Variants in C6orf118 observed in about 807,000 individuals in gnomAD.
The protein encoded by C6orf118 is chromosome 6 open reading frame 118, also known as uncharacterized protein C6orf118.
C6orf118 carries 50 observed loss-of-function variants against 50.2 expected under a neutral mutation model. The ratio of observed to expected loss-of-function variants is 1.00; its 90% CI spans 0.79 to 1.26. The LOEUF is 1.26. C6orf118 is among the 50% of genes most tolerant of loss of function. The pLI is 0.00. For missense variants in C6orf118, 641 were observed against 578.7 expected (o/e 1.11, Z -1.10); for synonymous variants, 239 against 230.9 (o/e 1.03, Z -0.32).
intron 5 of C6orf118, among the ~76,000 whole-genome samples, chr6:165,297,153 G>A (rs563091675): frequency 5.3e-5 from 8 of 152,152 alleles, no homozygotes; most frequent in Non-Finnish European, 1.2e-4. Flanking sequence ...AGGTGTGGTA[G>A]CTCATGCCTG....
chr6:165,299,022 G>A (rs552831813), intron 4 of C6orf118, among the ~76,000 whole-genome samples: 21 of 152,236 alleles, frequency 1.4e-4, no homozygotes, highest in Admixed American at 3.3e-4. Flanking sequence ...TGTTTAACCC[G>A]ACCCTGGAAG....
chr6:165,295,691 T>C (rs1007896296), intron 5 of C6orf118, among the ~76,000 whole-genome samples: 7 of 152,128 alleles, frequency 4.6e-5, no homozygotes, highest in Non-Finnish European at 7.4e-5. Flanking sequence ...TCTATAGTCC[T>C]GGATACCTTG....
chr6:165,289,838 C>A, intron 7 of C6orf118, 48 bp downstream of exon 7: 2 of 1,365,950 alleles, frequency 1.5e-6, no homozygotes, highest in South Asian at 1.6e-5. Flanking sequence ...TTGCCAAGGT[C>A]TTCAAGCAAA....
In C6orf118 at chr6:165,301,481, GC is replaced by G. The variant is rs1023215533; in HGVS notation, c.753+87del. 2.5e-5 allele frequency: 37 copies of G among 1,496,518 alleles called. No homozygotes were observed. The African/African-American group carries it at 4.8e-4, about 19-fold the overall frequency. 92.7% of individuals were successfully genotyped at this position (1,496,518 alleles called of 1,614,324 possible). On this transcript the variant is annotated intron_variant, in intron 2 of 8. Transcript: ENST00000230301. ...CCCGGAGCTCTGCCCCGAGAGGTTTGCCCCAGAGCTGTGCCCTGAGAGCACT... is the reference window on the plus strand; with the variant it reads ...CCCGGAGCTCTGCCCCGAGAGGTTTGCCCAGAGCTGTGCCCTGAGAGCACT...
intron 4 of C6orf118, 30 bp from the exon 5 acceptor site, chr6:165,298,131 C>A (rs1231182781): frequency 7.8e-6 from 12 of 1,542,166 alleles, no homozygotes; most frequent in Non-Finnish European, 1.0e-5. Flanking sequence ...TGAGGTGAGA[C>A]AAGCACACAG....
rs79123849 is a variant in C6orf118, at chr6:165,293,423, C to T, written c.1110G>A (p.Lys370=). The T allele has an allele frequency of 1.9e-3, 3,030 of 1,613,968 alleles. 51 individuals carry two copies. The African/African-American group carries it at 0.035, about 19-fold the overall frequency. ...CACACAGACACCTGCCTGATCGTTC[C>T]TTTGCAGACTGCAGCAATGCCACCT... ...EMEVALLQSA[K]ERSESSEKHI... Residue 370 remains lysine, a synonymous_variant, in exon 6 of 9, where the codon AAG becomes AAA. Transcript: ENST00000230301.
intron 5 of C6orf118, among the ~76,000 whole-genome samples, chr6:165,297,433 G>A (rs1402767431): frequency 6.6e-6 from 1 of 150,694 alleles, no homozygotes; most frequent in African/African-American, 2.4e-5. Context: ...GAACAAATTG[G>A]AACAACAAAT....
At position 165,296,254 on chromosome 6, in the gene C6orf118, T is replaced by TTG. The variant is rs1248085154; in HGVS notation, c.1061+1722_1061+1723insCA. 6.9e-4 allele frequency among the ~76,000 whole-genome samples: 43 copies of TTG among 61,990 alleles called. 1 individual carries two copies. Among genetic ancestry groups the TTG allele is most frequent in the African/African-American group, 3.0e-3 (41 of 13,884 alleles). The allele number at this position is 61,990 out of a possible 152,430, so 40.7% of individuals were successfully genotyped here. A position where few individuals can be genotyped will look rare whatever the true frequency, so the allele number is the denominator to read the frequency against. ...TTGTTGTTGTTTTCGTTTTTTGTTT[T>TTG]TTTTTTTTTTTTTTTTTTTTTTTGC... On this transcript the variant is annotated intron_variant, in intron 5 of 8. Transcript: ENST00000230301.
rs1223440543 is a variant in C6orf118, at chr6:165,279,717, C to T, written c.*340G>A. On this transcript the variant is annotated 3_prime_UTR_variant, in exon 9 of 9. Coordinates refer to ENST00000230301, the MANE Select transcript of C6orf118 (RefSeq NM_144980.4). ...ATGCATATATGTAAACTTGTGTTGG[C>T]AAATAAACAAATTTGAGCTGTATTC... 5.0e-6 allele frequency: 1 copy of T among 200,836 alleles called. No individual in the cohort carries two copies. The highest frequency in any genetic ancestry group is 2.3e-5 in the African/African-American group (1 of 43,500). 12.4% of individuals were successfully genotyped at this position (200,836 alleles called of 1,614,324 possible).
Position 165,279,936 on chromosome 6 carries a change from T to G in C6orf118, c.*121A>C. On this transcript the variant is annotated 3_prime_UTR_variant, in exon 9 of 9. Coordinates refer to ENST00000230301, the MANE Select transcript of C6orf118 (RefSeq NM_144980.4). ...GATACATATACCACATTAATTTTAC[T>G]AGAGATTAAAGCTGATGAAATGAAA... The G allele has an allele frequency of 1.0e-6, 1 of 997,130 alleles. No homozygotes were observed. Among genetic ancestry groups the G allele is most frequent in the Non-Finnish European group, 1.5e-6 (1 of 689,576 alleles). The allele number at this position is 997,130 out of a possible 1,614,324, so 61.8% of individuals were successfully genotyped here.
At chr6:165,290,370 C>T (rs922163244) in intron 6 of C6orf118, among the ~76,000 whole-genome samples, 13 of 151,964 alleles carry the variant, frequency 8.6e-5, no homozygotes, top group Non-Finnish European at 1.8e-4. Context: ...TGCAGACCAA[C>T]AAGAAACAAC....
At position 165,279,858 on chromosome 6, in the gene C6orf118, G is replaced by A; in HGVS notation, c.*199C>T. The A allele has an allele frequency of 2.2e-6, 1 of 458,718 alleles. No homozygotes were observed. Among genetic ancestry groups the A allele is most frequent in the Non-Finnish European group, 3.8e-6 (1 of 265,378 alleles). The allele number at this position is 458,718 out of a possible 1,614,324, so 28.4% of individuals were successfully genotyped here. On this transcript the variant is annotated 3_prime_UTR_variant, in exon 9 of 9. Transcript: ENST00000230301. ...AACTAGTATTGTTGTAAATATGTAT[G>A]CAACAGAAACTAATCATGTGTACGC...
intron 7 of C6orf118, among the ~76,000 whole-genome samples, chr6:165,282,601 T>C (rs1453706317): frequency 6.6e-6 from 1 of 151,514 alleles, no homozygotes; most frequent in Non-Finnish European, 1.5e-5. Flanking sequence ...TTTTTAAATG[T>C]TCATAAAAGT....
At chr6:165,297,915 C>G in intron 5 of C6orf118, 62 bp downstream of exon 5, 6 of 1,606,070 alleles carry the variant, frequency 3.7e-6, no homozygotes, top group Non-Finnish European at 5.1e-6. Flanking sequence ...CTTGTCACAG[C>G]GGTTTCAGAC....
In C6orf118 at chr6:165,301,971, G is replaced by A. The variant is rs9459355; in HGVS notation, c.351C>T (p.Ala117=). 1.2e-6 allele frequency: 2 copies of A among 1,613,596 alleles called. No individual in the cohort carries two copies. The highest frequency in any genetic ancestry group is 1.3e-5 in the African/African-American group (1 of 74,918). The part of the protein sequence containing the change: ...EALAHFTIHT[A]LVPSEAQDTP... ...TGTCCTGGGCCTCACTGGGGACCAG[G>A]GCCGTGTGGATGGTGAAGTGGGCCA... Residue 117 remains alanine (A), a synonymous_variant, in exon 2 of 9, where the codon GCC becomes GCT. Coordinates refer to ENST00000230301, the MANE Select transcript of C6orf118 (RefSeq NM_144980.4).
intron 4 of C6orf118, among the ~76,000 whole-genome samples, chr6:165,299,042 G>A (rs1048670633): frequency 3.3e-5 from 5 of 152,214 alleles, no homozygotes; most frequent in Non-Finnish European, 1.5e-5. Flanking sequence ...GGGAACACCT[G>A]GAACGCTGTC....
intron 5 of C6orf118, among the ~76,000 whole-genome samples, chr6:165,296,250 GTTTTTTT>G (rs56394079): frequency 6.5e-4 from 67 of 103,342 alleles, no homozygotes; most frequent in South Asian, 2.2e-3. Flanking sequence ...TTCGTTTTTT[GTTTTTTT>G]TTTTTTTTTT....
intron 7 of C6orf118, among the ~76,000 whole-genome samples, chr6:165,285,366 C>A (rs1779866571): frequency 6.6e-6 from 1 of 152,110 alleles, no homozygotes; most frequent in African/African-American, 2.4e-5. Flanking sequence ...GACTTTAACA[C>A]CCCACTGTCA....
chr6:165,302,268 C>A lies in C6orf118; in HGVS notation c.54G>T (p.Thr18=), dbSNP rs202066157. The A allele has an allele frequency of 6.2e-7, 1 of 1,613,642 alleles. No individual in the cohort carries two copies. Among genetic ancestry groups the A allele is most frequent in the South Asian group, 1.1e-5 (1 of 91,070 alleles). Residue 18 remains threonine, a synonymous_variant, in exon 2 of 9, where the codon ACG becomes ACT. Transcript: ENST00000230301. The part of the protein sequence containing the change: ...ELYLKWKHCE[T]PGVKTLCNLK... ...GATTACACAGGGTCTTCACGCCTGGCGTCTCGCAGTGCTTCCACTTCAGGT... is the reference window on the plus strand; with the variant it reads ...GATTACACAGGGTCTTCACGCCTGGAGTCTCGCAGTGCTTCCACTTCAGGT...
Sources: allele counts gnomAD v4.1 joint callset (sites outside exome capture counted in the v4.1 genomes callset), GRCh38; gene constraint gnomAD v4.1.1; transcripts MANE v1.5; gene names NCBI Gene and HGNC (gene_info 2026-07-23, HGNC 2026-07-21).